Variants in SHC3 observed in about 807,000 individuals in gnomAD.
The protein encoded by SHC3 is SHC-transforming protein 3.
Under a neutral mutation model 60.4 loss-of-function variants are expected in SHC3, and 15 were observed. The ratio of observed to expected loss-of-function variants is 0.25; its 90% confidence interval spans 0.17 to 0.38. The LOEUF (loss-of-function observed/expected upper bound fraction) is 0.38. SHC3 is among the 10% of genes least tolerant of loss of function. The probability of loss-of-function intolerance (pLI) is 1.00; values close to 1 mark genes in which losing one functional copy is unlikely to be tolerated. For synonymous variants in SHC3, 294 were observed against 325.9 expected (o/e 0.90, Z 1.05); for missense variants, 677 against 786.1 (o/e 0.86, Z 1.66).
In SHC3 at chr9:89,113,888, C is replaced by T. The variant is rs144774095; in HGVS notation, c.475-1262G>A. On this transcript the variant is annotated intron_variant, in intron 1 of 11. Transcript: ENST00000375835. ...CAATGTCAGAGAAATATGAATTAGG[C>T]TACCATCAACATTGCAGAGTTATGT... 4.0e-3 allele frequency among the ~76,000 whole-genome samples: 605 copies of T among 152,292 alleles called. 3 individuals carry two copies. Among genetic ancestry groups the T allele is most frequent in the Middle Eastern group, 0.01 (3 of 294 alleles).
intron 2 of SHC3, among the ~76,000 whole-genome samples, chr9:89,091,456 A>G (rs932942818): frequency 6.6e-6 from 1 of 152,242 alleles, no homozygotes; most frequent in Non-Finnish European, 1.5e-5. Flanking sequence ...ATCTTATTAC[A>G]GGTAAACTAA....
chr9:89,062,700 T>A (rs1243455453), intron 6 of SHC3, among the ~76,000 whole-genome samples: 2 of 152,340 alleles, frequency 1.3e-5, no homozygotes, highest in East Asian at 3.9e-4. Flanking sequence ...CTACAAGGTC[T>A]GCTCATACAC....
At chr9:89,040,364 C>T (rs1268985833) in intron 10 of SHC3, among the ~76,000 whole-genome samples, 1 of 151,286 alleles carries the variant, frequency 6.6e-6, no homozygotes, top group Non-Finnish European at 1.5e-5. Flanking sequence ...TATTTAGTTC[C>T]ATACTTTTCA....
intron 1 of SHC3, among the ~76,000 whole-genome samples, chr9:89,125,947 T>C (rs546456688): frequency 8.5e-5 from 13 of 152,286 alleles, no homozygotes; most frequent in African/African-American, 2.6e-4. Context: ...TTTTATTCCT[T>C]TACTTTCTTA....
rs146961588 is a variant in SHC3 at position 89,136,164 on chromosome 9, G to C, written c.475-23538C>G. ...TATTCAGCCTGAAGAAATTACAAAA[G>C]ATGGATCTTTGTCCCTCTTCAACCC... On this transcript the variant is annotated intron_variant, in intron 1 of 11. Coordinates refer to ENST00000375835, the MANE Select transcript of SHC3 (RefSeq NM_016848.6). 6.0e-3 allele frequency among the ~76,000 whole-genome samples: 913 copies of C among 152,204 alleles called. 9 individuals are homozygous for C. The highest frequency in any genetic ancestry group is 6.9e-3 in the Non-Finnish European group (469 of 67,992).
chr9:89,059,515 G>A (rs1201873811), intron 6 of SHC3, among the ~76,000 whole-genome samples: 5 of 150,968 alleles, frequency 3.3e-5, no homozygotes, highest in Non-Finnish European at 7.4e-5. Context: ...ACGTGGTGGA[G>A]GATGTGGTGG....
chr9:89,084,789 A>G (rs928258170), intron 2 of SHC3, among the ~76,000 whole-genome samples: 2 of 152,184 alleles, frequency 1.3e-5, no homozygotes, highest in Admixed American at 6.5e-5. Context: ...TTCTCAGGCA[A>G]TGAGGAAGAA....
Position 89,046,835 on chromosome 9 carries a change from A to G in SHC3, c.1113+9T>C, listed in dbSNP as rs757614765. ...ATTCCTTATATAAGAAAAAAACTAT[A>G]AGACTTACCTGGGCTGTGTCAGGAG... On this transcript the variant is annotated intron_variant, in intron 8 of 11. Transcript: ENST00000375835. 1 of 1,549,960 alleles carries G rather than the reference A, an allele frequency of 6.5e-7. No homozygotes were observed. Among genetic ancestry groups the G allele is most frequent in the South Asian group, 1.3e-5 (1 of 78,156 alleles).
At chr9:89,141,681 A>G (rs924766864) in intron 1 of SHC3, among the ~76,000 whole-genome samples, 8 of 152,144 alleles carry the variant, frequency 5.3e-5, no homozygotes, top group African/African-American at 1.9e-4. Flanking sequence ...CAAAGCAGAC[A>G]CTAGCTGCCC....
chr9:89,035,203 G>C (rs1175429197), intron 11 of SHC3, among the ~76,000 whole-genome samples: 1 of 152,122 alleles, frequency 6.6e-6, no homozygotes, highest in Admixed American at 6.5e-5. Flanking sequence ...TCAATCCTTT[G>C]ACTCTGCCGG....
At chr9:89,048,292 T>A (rs964291442) in intron 7 of SHC3, among the ~76,000 whole-genome samples, 2 of 148,230 alleles carry the variant, frequency 1.3e-5, no homozygotes, top group Non-Finnish European at 3.0e-5. Context: ...AACTAATGAC[T>A]GGATGAACAA....
At chr9:89,063,909 T>G (rs1209076623) in intron 6 of SHC3, among the ~76,000 whole-genome samples, 7 of 152,262 alleles carry the variant, frequency 4.6e-5, no homozygotes, top group African/African-American at 1.7e-4. Flanking sequence ...CTGGGACTGC[T>G]GTAACAACAC....
intron 1 of SHC3, 144 bp downstream of exon 1, chr9:89,177,843 G>C (rs1826964317): frequency 9.3e-7 from 1 of 1,080,554 alleles, no homozygotes; most frequent in Non-Finnish European, 1.1e-6. Context: ...CAAGCGAGCT[G>C]ATTGCTAAGG....
chr9:89,177,975 G>T lies in SHC3; in HGVS notation c.474+12C>A. 8.2e-7 allele frequency: 1 copy of T among 1,217,804 alleles called. No individual in the cohort carries two copies. The highest frequency in any genetic ancestry group is 1.0e-6 in the Non-Finnish European group (1 of 978,948). The allele number at this position is 1,217,804 out of a possible 1,614,324, so 75.4% of individuals were successfully genotyped here. On this transcript the variant is annotated intron_variant, in intron 1 of 11. Transcript: ENST00000375835. The stretch of plus-strand genomic sequence containing the variant: ...ACCCCCAGCCCCCAGGGCGGCCCGC[G>T]CCCGCACCCACCTTGACCACGTAGG...
At chr9:89,143,287 T>C (rs569432682) in intron 1 of SHC3, among the ~76,000 whole-genome samples, 3 of 152,040 alleles carry the variant, frequency 2.0e-5, no homozygotes, top group Non-Finnish European at 4.4e-5. Context: ...CTGGTGGGAG[T>C]GTAGCAGTGA....
chr9:89,108,863 G>A (rs779102910), intron 2 of SHC3, among the ~76,000 whole-genome samples: 2 of 152,200 alleles, frequency 1.3e-5, no homozygotes, highest in Non-Finnish European at 2.9e-5. Context: ...TGTCCACTTA[G>A]TAGAGTTCGT....
At chr9:89,067,132 C>T (rs1228087610) in intron 5 of SHC3, among the ~76,000 whole-genome samples, 1 of 152,184 alleles carries the variant, frequency 6.6e-6, no homozygotes, top group African/African-American at 2.4e-5. Context: ...GAAAGATCGT[C>T]CACCTGGTCA....
chr9:89,084,232 G>A (rs1341277632), intron 2 of SHC3, among the ~76,000 whole-genome samples: 2 of 152,106 alleles, frequency 1.3e-5, no homozygotes, highest in African/African-American at 2.4e-5. Flanking sequence ...TATAATCCCA[G>A]CATTCTCCTG....
intron 10 of SHC3, 67 bp from the exon 11 acceptor site, chr9:89,038,355 A>G: frequency 1.4e-6 from 2 of 1,465,734 alleles, no homozygotes. Context: ...AAAAAAAAAA[A>G]AAAAAATACA....
Sources: allele counts gnomAD v4.1 joint callset (sites outside exome capture counted in the v4.1 genomes callset), GRCh38; gene constraint gnomAD v4.1.1; transcripts MANE v1.5; gene names NCBI Gene and HGNC (gene_info 2026-07-23, HGNC 2026-07-21).